The following CTNNA3 variants were observed in gnomAD, a reference collection of about 807,000 sequenced individuals.
The protein encoded by CTNNA3 is catenin alpha-3.
CTNNA3 carries 76 observed loss-of-function variants against 95.7 expected under a neutral mutation model. The observed-to-expected ratio is 0.79, with a 90% CI of 0.66 to 0.96. The LOEUF is 0.96. Ranked by LOEUF, CTNNA3 falls within the 40% of genes least tolerant of loss-of-function variation. The pLI, the probability that CTNNA3 is intolerant of heterozygous loss-of-function variation, is 0.00. For synonymous variants in CTNNA3, 431 were observed against 374.4 expected, an observed-to-expected ratio of 1.15 and a Z score of -1.74; for missense variants, 1,191 against 1,089.8, an observed-to-expected ratio of 1.09 and a Z score of -1.31.
intron 3 of CTNNA3, among the ~76,000 whole-genome samples, chr10:67,563,512 A>G (rs1216396439): frequency 6.6e-6 from 1 of 152,220 alleles, no homozygotes; most frequent in African/African-American, 2.4e-5. Context: ...TAAAGATTTA[A>G]ATGTCAGACC....
intron 7 of CTNNA3, among the ~76,000 whole-genome samples, chr10:66,878,622 T>C (rs1844721366): frequency 6.6e-6 from 1 of 152,076 alleles, no homozygotes; most frequent in Admixed American, 6.6e-5. Flanking sequence ...CCTACCTGAT[T>C]CTAGGAGCAA....
At chr10:66,888,413 A>G (rs1461353355) in intron 7 of CTNNA3, among the ~76,000 whole-genome samples, 1 of 152,144 alleles carries the variant, frequency 6.6e-6, no homozygotes. Flanking sequence ...GACATACCGA[A>G]CTATGAGAAA....
At chr10:66,313,622 C>T (rs2092055721) in intron 12 of CTNNA3, among the ~76,000 whole-genome samples, 1 of 152,158 alleles carries the variant, frequency 6.6e-6, no homozygotes, top group Admixed American at 6.5e-5. Context: ...ATAGTTCCTA[C>T]TACTGTTTGC....
At chr10:66,146,550 G>A (rs2083896516) in intron 13 of CTNNA3, among the ~76,000 whole-genome samples, 1 of 152,016 alleles carries the variant, frequency 6.6e-6, no homozygotes, top group Admixed American at 6.6e-5. Flanking sequence ...CATGTATTCT[G>A]TTTGTTTGGT....
At chr10:66,795,070 G>C (rs970620478) in intron 7 of CTNNA3, among the ~76,000 whole-genome samples, 13 of 152,064 alleles carry the variant, frequency 8.5e-5, no homozygotes, top group African/African-American at 3.1e-4. Flanking sequence ...ATGAGGTTTG[G>C]AATCAACTTC....
rs151234841 is a variant in CTNNA3 at position 66,853,318 on chromosome 10, A to T, written c.1048-77794T>A. The stretch of plus-strand genomic sequence containing the variant: ...AGAGAAAAAGAAAGTTCTTATCTAT[A>T]ATTTCTGAGAAGGAAATACAAATTA... On this transcript the variant is annotated intron_variant, in intron 7 of 17. Coordinates refer to ENST00000433211, the MANE Select transcript of CTNNA3 (RefSeq NM_013266.4). 6.0e-3 allele frequency among the ~76,000 whole-genome samples: 916 copies of T among 152,188 alleles called. 11 individuals are homozygous for T. The highest frequency in any genetic ancestry group is 0.021 in the African/African-American group (857 of 41,552).
intron 11 of CTNNA3, among the ~76,000 whole-genome samples, chr10:66,476,237 G>T (rs1398680907): frequency 6.6e-6 from 1 of 151,936 alleles, no homozygotes; most frequent in Non-Finnish European, 1.5e-5. Flanking sequence ...GGGAGGGAGA[G>T]CATCAGAAAA....
intron 11 of CTNNA3, among the ~76,000 whole-genome samples, chr10:66,417,716 C>A (rs2093158492): frequency 1.3e-5 from 2 of 151,496 alleles, no homozygotes; most frequent in South Asian, 4.2e-4. Context: ...GAAATCAATA[C>A]CAAAAAGAAA....
At chr10:66,023,125 C>T (rs1226659658) in intron 15 of CTNNA3, among the ~76,000 whole-genome samples, 1 of 152,176 alleles carries the variant, frequency 6.6e-6, no homozygotes, top group Non-Finnish European at 1.5e-5. Context: ...TAGAACAAAA[C>T]ATATCATGAA....
intron 5 of CTNNA3, among the ~76,000 whole-genome samples, chr10:67,305,167 G>A (rs12357652): frequency 5.9e-5 from 9 of 151,718 alleles, no homozygotes; most frequent in Non-Finnish European, 7.4e-5. Flanking sequence ...TCCCAGCTAC[G>A]TGGGAGGCTG....
intron 13 of CTNNA3, among the ~76,000 whole-genome samples, chr10:66,127,564 C>T (rs753323876): frequency 9.2e-5 from 14 of 151,952 alleles, no homozygotes; most frequent in Non-Finnish European, 1.8e-4. Context: ...ACTGTCACAG[C>T]CAAGAAAAGA....
intron 9 of CTNNA3, among the ~76,000 whole-genome samples, chr10:66,704,504 C>A (rs78469332): frequency 6.6e-6 from 1 of 152,050 alleles, no homozygotes; most frequent in Non-Finnish European, 1.5e-5. Flanking sequence ...TGGAAACCTG[C>A]CATTGGTGTG....
chr10:66,696,201 C>T (rs540964739), intron 9 of CTNNA3, among the ~76,000 whole-genome samples: 1 of 152,206 alleles, frequency 6.6e-6, no homozygotes, highest in South Asian at 2.1e-4. Flanking sequence ...TCTTTAAGTG[C>T]AAAGAGTAAT....
chr10:66,938,937 T>A (rs1246645217), intron 7 of CTNNA3, among the ~76,000 whole-genome samples: 3 of 152,148 alleles, frequency 2.0e-5, no homozygotes, highest in East Asian at 3.9e-4. Flanking sequence ...CCCGTCCACA[T>A]CCTCCTGAGA....
In CTNNA3 at chr10:66,052,432, A is replaced by G. The variant is rs959104394; in HGVS notation, c.2159+16876T>C. ...AAGGCAGAGGAAAATATCTGTACTC[A>G]AGGTAAAGCATTCGAGGTCAAAGAC... On this transcript the variant is annotated intron_variant, in intron 15 of 17. Transcript: ENST00000433211. Among the ~76,000 whole-genome samples the G allele has an allele frequency of 9.9e-5, 11 of 110,838 alleles. 1 individual carries two copies. Among genetic ancestry groups the G allele is most frequent in the Admixed American group, 3.7e-4 (4 of 10,868 alleles). The allele number at this position is 110,838 out of a possible 152,430, so 72.7% of individuals were successfully genotyped here.
At chr10:67,287,911 A>G (rs1386153577) in intron 5 of CTNNA3, among the ~76,000 whole-genome samples, 1 of 152,246 alleles carries the variant, frequency 6.6e-6, no homozygotes, top group Non-Finnish European at 1.5e-5. Context: ...CTGAGAGTAG[A>G]AGAGCATCTT....
At chr10:66,165,850 C>T (rs1316634288) in intron 13 of CTNNA3, among the ~76,000 whole-genome samples, 1 of 151,980 alleles carries the variant, frequency 6.6e-6, no homozygotes, top group African/African-American at 2.4e-5. Context: ...CTCACTGCAA[C>T]CTTTGCCTCC....
intron 5 of CTNNA3, among the ~76,000 whole-genome samples, chr10:67,432,928 A>AT: frequency 6.6e-6 from 1 of 151,882 alleles, no homozygotes. Context: ...TTTTTCTACA[A>AT]TTTTTCTAGA....
intron 5 of CTNNA3, among the ~76,000 whole-genome samples, chr10:67,470,094 C>T (rs939410669): frequency 1.9e-4 from 29 of 152,180 alleles, no homozygotes; most frequent in African/African-American, 6.8e-4. Flanking sequence ...CCCTGCCACC[C>T]TCCTACTATC....
Sources: allele counts gnomAD v4.1 joint callset (sites outside exome capture counted in the v4.1 genomes callset), GRCh38; gene constraint gnomAD v4.1.1; transcripts MANE v1.5; gene names NCBI Gene and HGNC (gene_info 2026-07-23, HGNC 2026-07-21).